The following MAP2K6 variants were observed in gnomAD, a reference collection of about 807,000 sequenced individuals.
The protein encoded by MAP2K6 is dual specificity mitogen-activated protein kinase kinase 6.
In MAP2K6, 16 loss-of-function variants were observed where a neutral mutation model predicts 53.7. The ratio of observed to expected loss-of-function variants is 0.30; its 90% confidence interval spans 0.20 to 0.45. MAP2K6 has a LOEUF of 0.45. MAP2K6 is among the 20% of genes least tolerant of loss of function. The pLI is 1.00. For synonymous variants in MAP2K6, 132 were observed against 143.1 expected (o/e 0.92, Z 0.55); for missense variants, 204 against 411.9 (o/e 0.50, Z 4.37).
chr17:69,436,899 A>G (rs936250321), intron 1 of MAP2K6, among the ~76,000 whole-genome samples: 2 of 151,048 alleles, frequency 1.3e-5, no homozygotes, highest in African/African-American at 4.9e-5. Context: ...ATCTCGGTTC[A>G]CTACAACCTC....
chr17:69,448,652 T>A (rs143894723), intron 1 of MAP2K6, among the ~76,000 whole-genome samples: 164 of 152,186 alleles, frequency 1.1e-3, no homozygotes, highest in African/African-American at 3.8e-3. Context: ...TGTGGCTCAC[T>A]CTTTTAGCCA....
chr17:69,486,914 C>T (rs1383406408), intron 1 of MAP2K6, among the ~76,000 whole-genome samples: 1 of 152,152 alleles, frequency 6.6e-6, no homozygotes, highest in East Asian at 1.9e-4. Flanking sequence ...ATTGCCCAAA[C>T]GTTTTCCATT....
At chr17:69,478,395 G>T (rs12939304) in intron 1 of MAP2K6, among the ~76,000 whole-genome samples, 30,963 of 152,058 alleles carry the variant, frequency 0.2, 3,448 homozygotes, top group Middle Eastern at 0.27. Context: ...GAAGATGGGG[G>T]TGGGCAGGAG....
intron 1 of MAP2K6, chr17:69,433,271 CA>C (rs1465362273): frequency 5.3e-5 from 8 of 152,176 alleles, no homozygotes; most frequent in Non-Finnish European, 1.2e-4. Flanking sequence ...CTGGAAAGGC[CA>C]AGGTAGCGGT....
chr17:69,450,125 A>G (rs1475664692), intron 1 of MAP2K6, among the ~76,000 whole-genome samples: 1 of 121,666 alleles, frequency 8.2e-6, no homozygotes, highest in East Asian at 2.3e-4. Context: ...TTTTTTTTTA[A>G]TAATTTTAGT....
intron 1 of MAP2K6, among the ~76,000 whole-genome samples, chr17:69,427,401 G>C (rs1193414991): frequency 1.3e-5 from 2 of 151,648 alleles, no homozygotes; most frequent in Admixed American, 1.3e-4. Context: ...AGTTCTAAGA[G>C]ATAAAAAGAT....
chr17:69,538,521 G>C (rs1395594215), intron 11 of MAP2K6, among the ~76,000 whole-genome samples: 1 of 152,180 alleles, frequency 6.6e-6, no homozygotes, highest in Non-Finnish European at 1.5e-5. Flanking sequence ...GAAAATCTGA[G>C]TCCAAACTCC....
chr17:69,465,171 A>G (rs906403574), intron 1 of MAP2K6, among the ~76,000 whole-genome samples: 1 of 148,690 alleles, frequency 6.7e-6, no homozygotes, highest in African/African-American at 2.5e-5. Flanking sequence ...GTTGCAATCT[A>G]TGCATACGAG....
At position 69,552,193 on chromosome 17, in the gene MAP2K6, G is replaced by T. The variant is rs563379715; in HGVS notation, c.*10440G>T. 2.0e-5 allele frequency: 3 copies of T among 152,352 alleles called. No homozygotes were observed. The highest frequency in any genetic ancestry group is 4.4e-5 in the Non-Finnish European group (3 of 68,036). The allele number at this position is 152,352 out of a possible 1,614,324, so 9.4% of individuals were successfully genotyped here. ...TATTGCAAAGAGAGCCTTTGGGCAA[G>T]TGGAAAATGCCCTGATGCTAGAATG... On this transcript the variant is annotated 3_prime_UTR_variant, in exon 12 of 12. Transcript: ENST00000590474.
chr17:69,482,725 G>A (rs1908391384), intron 1 of MAP2K6, among the ~76,000 whole-genome samples: 1 of 151,914 alleles, frequency 6.6e-6, no homozygotes, highest in Non-Finnish European at 1.5e-5. Context: ...ACAATACTGT[G>A]TTTAAAAAAC....
intron 10 of MAP2K6, among the ~76,000 whole-genome samples, chr17:69,527,620 G>A (rs554330254): frequency 6.6e-6 from 1 of 152,306 alleles, no homozygotes; most frequent in South Asian, 2.1e-4. Flanking sequence ...CCAGGTTAGC[G>A]TATTTGGCCA....
intron 6 of MAP2K6, chr17:69,520,806 AAGG>A (rs1452874114): frequency 4.7e-6 from 2 of 429,622 alleles, no homozygotes; most frequent in African/African-American, 4.1e-5. Flanking sequence ...AGAGAAAAAG[AAGG>A]AGGACAAATG....
intron 11 of MAP2K6, among the ~76,000 whole-genome samples, chr17:69,539,154 C>G (rs1042252225): frequency 6.6e-6 from 1 of 152,172 alleles, no homozygotes; most frequent in Non-Finnish European, 1.5e-5. Context: ...AACAAAGATG[C>G]CTGACCCATT....
At chr17:69,496,514 G>T (rs1287897248) in intron 1 of MAP2K6, among the ~76,000 whole-genome samples, 1 of 151,906 alleles carries the variant, frequency 6.6e-6, no homozygotes, top group East Asian at 1.9e-4. Flanking sequence ...GATTACAGGC[G>T]TGTGCCCCAC....
At chr17:69,445,276 A>T (rs1351206413) in intron 1 of MAP2K6, among the ~76,000 whole-genome samples, 3 of 152,206 alleles carry the variant, frequency 2.0e-5, no homozygotes, top group Non-Finnish European at 4.4e-5. Context: ...GAGGAAGGAA[A>T]CTTGACTCAG....
At chr17:69,475,448 G>A in intron 1 of MAP2K6, among the ~76,000 whole-genome samples, 1 of 152,164 alleles carries the variant, frequency 6.6e-6, no homozygotes, top group Admixed American at 6.5e-5. Flanking sequence ...GATTACAGGC[G>A]TGAGCCACCG....
Position 69,541,737 on chromosome 17 carries a change from T to G in MAP2K6, c.989T>G (p.Leu330Arg), listed in dbSNP as rs746716355. ...KGTDVASFVKLILGD is the reference protein window; with the variant it reads ...KGTDVASFVKRILGD ...ACAGATGTGGCATCTTTTGTAAAAC[T>G]GATTCTTGGAGACTAAAAAGCAGTG... The change falls in exon 12 of 12, where the codon CTG becomes CGG. Residue 330 changes from leucine to arginine, a missense_variant. This residue lies in a region of MAP2K6 where 47 missense variants were observed against 62.3 expected (regional missense o/e 0.75). Coordinates refer to ENST00000590474, the MANE Select transcript of MAP2K6 (RefSeq NM_002758.4). 2.5e-6 allele frequency: 4 copies of G among 1,612,416 alleles called. No individual in the cohort carries two copies. In the East Asian group the frequency reaches 8.9e-5, roughly 36 times the overall value.
chr17:69,541,891 TC>T lies in MAP2K6; in HGVS notation c.*139del. 1.7e-6 allele frequency: 1 copy of T among 596,036 alleles called. No individual in the cohort carries two copies. The highest frequency in any genetic ancestry group is 3.1e-5 in the East Asian group (1 of 31,860). 36.9% of individuals were successfully genotyped at this position (596,036 alleles called of 1,614,324 possible). ...CTCAGAGGGTTTTCTCTCCCAATTTTCTTTTTACTCCCCCTCTTAAGGGGGC... is the reference window on the plus strand; with the variant it reads ...CTCAGAGGGTTTTCTCTCCCAATTTTTTTTTACTCCCCCTCTTAAGGGGGC... On this transcript the variant is annotated 3_prime_UTR_variant, in exon 12 of 12. Transcript: ENST00000590474.
At chr17:69,474,870 A>G (rs953575192) in intron 1 of MAP2K6, among the ~76,000 whole-genome samples, 1 of 152,130 alleles carries the variant, frequency 6.6e-6, no homozygotes, top group Non-Finnish European at 1.5e-5. Context: ...CTCCTGCTCC[A>G]TCCCCTTTTT....
Sources: gnomAD v4.1 joint callset for allele counts (sites outside exome capture counted in the v4.1 genomes callset) on GRCh38, gnomAD v4.1.1 for gene constraint, gnomAD v4.1.1 regional missense constraint, MANE v1.5 for transcripts, NCBI Gene and HGNC (gene_info 2026-07-23, HGNC 2026-07-21) for gene names.